RCHY1: variants seen among roughly 807,000 people sequenced by gnomAD.
The protein encoded by RCHY1 is ring finger and CHY zinc finger domain containing 1, also known as RING finger and CHY zinc finger domain-containing protein 1.
Under a neutral mutation model 41.6 loss-of-function variants are expected in RCHY1, and 21 were observed. The observed-to-expected ratio is 0.51, with a 90% CI of 0.36 to 0.73. The LOEUF (loss-of-function observed/expected upper bound fraction) is 0.73. RCHY1 is among the 30% of genes least tolerant of loss of function. RCHY1 has a pLI of 0.00. For missense variants in RCHY1, 265 were observed against 325.3 expected, an observed-to-expected ratio of 0.81 and a Z score of 1.43; for synonymous variants, 79 against 102.9, an observed-to-expected ratio of 0.77 and a Z score of 1.41.
chr4:75,486,595 A>C (rs1722025818), intron 8 of RCHY1, among the ~76,000 whole-genome samples: 1 of 152,308 alleles, frequency 6.6e-6, no homozygotes, highest in South Asian at 2.1e-4. Flanking sequence ...CTAAGAGTTA[A>C]AACTGTAGTT....
intron 3 of RCHY1, among the ~76,000 whole-genome samples, chr4:75,507,691 C>G (rs548626802): frequency 5.3e-5 from 8 of 152,044 alleles, no homozygotes; most frequent in African/African-American, 1.9e-4. Context: ...GATATAGATA[C>G]AGTAGAGCCT....
chr4:75,485,803 T>C (rs181747564), intron 8 of RCHY1, among the ~76,000 whole-genome samples: 1 of 152,348 alleles, frequency 6.6e-6, no homozygotes, highest in Non-Finnish European at 1.5e-5. Flanking sequence ...CTCTAAGATC[T>C]GCTTCTGTCT....
At chr4:75,504,754 A>G (rs1421929689) in intron 3 of RCHY1, among the ~76,000 whole-genome samples, 1 of 152,220 alleles carries the variant, frequency 6.6e-6, no homozygotes, top group Non-Finnish European at 1.5e-5. Flanking sequence ...TGGAATTAAA[A>G]TTTGGGTTTG....
Position 75,491,779 on chromosome 4 carries a change from T to C in RCHY1, c.454A>G (p.Ile152Val). The stretch of plus-strand genomic sequence containing the variant: ...TGAGCAACAACACGGGATGTGTGAA[T>C]GTCCTGTAAATGAAATAAATGTTAG... ...RQNCPICLEDIHTSRVVAHVL... is the reference protein window; with the variant it reads ...RQNCPICLEDVHTSRVVAHVL... The change falls in exon 6 of 9, where the codon ATT becomes GTT. Residue 152 changes from isoleucine to valine, a missense_variant. Coordinates refer to ENST00000324439, the MANE Select transcript of RCHY1 (RefSeq NM_015436.4). The C allele has an allele frequency of 6.2e-7, 1 of 1,612,866 alleles. No individual in the cohort carries two copies.
Position 75,490,400 on chromosome 4 carries a change from T to C in RCHY1, c.657+181A>G, listed in dbSNP as rs544736240. ...AAAGGTATTCTTAAGACTTTTTTTT[T>C]CCCGATCTGAGCTACTTAACTAAAA... On this transcript the variant is annotated intron_variant, in intron 8 of 8. Transcript: ENST00000324439. 1.2e-4 allele frequency among the ~76,000 whole-genome samples: 19 copies of C among 152,146 alleles called. No individual in the cohort carries two copies. In the South Asian group the frequency reaches 3.1e-3, roughly 25 times the overall value.
At chr4:75,484,047 C>A (rs574914908) in intron 8 of RCHY1, among the ~76,000 whole-genome samples, 2 of 152,202 alleles carry the variant, frequency 1.3e-5, no homozygotes, top group African/African-American at 4.8e-5. Context: ...TCAAGACCCT[C>A]TGAATCTATT....
Position 75,508,906 on chromosome 4 carries a change from T to C in RCHY1, c.240A>G (p.Thr80=). ...TATCGCAATAATATTCTCCAAACAA[T>C]GTGCTACATTCTTCACAAGTCTGTT... is the stretch of plus-strand genomic sequence containing the variant. ...HAQQTCEECS[T]LFGEYYCDIC... Residue 80 remains threonine, a synonymous_variant, in exon 3 of 9, where the codon ACA becomes ACG. Coordinates refer to ENST00000324439, the MANE Select transcript of RCHY1 (RefSeq NM_015436.4). The C allele has an allele frequency of 6.2e-7, 1 of 1,609,854 alleles. No homozygotes were observed. The highest frequency in any genetic ancestry group is 8.5e-7 in the Non-Finnish European group (1 of 1,178,376).
At position 75,481,956 on chromosome 4, in the gene RCHY1, G is replaced by T. The variant is rs1284186749; in HGVS notation, c.*582C>A. ...TTTACATTATAGAACTGATGATACT[G>T]CCCTAATTGAGCCAAACATAGAAAA... On this transcript the variant is annotated 3_prime_UTR_variant, in exon 9 of 9. Transcript: ENST00000324439. The T allele has an allele frequency of 6.6e-6, 1 of 151,756 alleles. No homozygotes were observed. Among genetic ancestry groups the T allele is most frequent in the Non-Finnish European group, 1.5e-5 (1 of 67,958 alleles). The allele number at this position is 151,756 out of a possible 1,614,324, so 9.4% of individuals were successfully genotyped here. A position where few individuals can be genotyped will look rare whatever the true frequency, so the allele number is the denominator to read the frequency against.
chr4:75,487,108 A>G (rs1722085271), intron 8 of RCHY1, among the ~76,000 whole-genome samples: 1 of 152,122 alleles, frequency 6.6e-6, no homozygotes, highest in Admixed American at 6.6e-5. Context: ...AATATAAAAG[A>G]TTTATGGAAA....
At chr4:75,508,719 A>C (rs1458745514) in intron 3 of RCHY1, 101 bp downstream of exon 3, 1 of 595,258 alleles carries the variant, frequency 1.7e-6, no homozygotes, top group African/African-American at 1.9e-5. Context: ...AAATGAATGT[A>C]TCTTATCAGA....
In RCHY1 at chr4:75,479,542, C is replaced by T. The variant is rs1438935238; in HGVS notation, c.*2996G>A. On this transcript the variant is annotated 3_prime_UTR_variant, in exon 9 of 9. Coordinates refer to ENST00000324439, the MANE Select transcript of RCHY1 (RefSeq NM_015436.4). Reference sequence around the variant, plus strand: ...AATCCATGACACTATAAACAAACTACTACTTCCAACATAAGCTAAAGTTAA... The same window carrying T: ...AATCCATGACACTATAAACAAACTATTACTTCCAACATAAGCTAAAGTTAA... 6.6e-6 allele frequency: 1 copy of T among 152,004 alleles called. No individual in the cohort carries two copies. The highest frequency in any genetic ancestry group is 6.6e-5 in the Admixed American group (1 of 15,260). 9.4% of individuals were successfully genotyped at this position (152,004 alleles called of 1,614,324 possible).
intron 8 of RCHY1, among the ~76,000 whole-genome samples, chr4:75,483,686 T>A (rs1477107998): frequency 6.6e-6 from 1 of 152,192 alleles, no homozygotes; most frequent in Non-Finnish European, 1.5e-5. Context: ...TCGGTTAGTA[T>A]TCCAAAAGTG....
At chr4:75,489,697 C>A (rs1044554724) in intron 8 of RCHY1, among the ~76,000 whole-genome samples, 1 of 152,148 alleles carries the variant, frequency 6.6e-6, no homozygotes, top group South Asian at 2.1e-4. Context: ...GACTAAATGC[C>A]GCAAGGCTTT....
intron 3 of RCHY1, among the ~76,000 whole-genome samples, chr4:75,506,124 G>C (rs1205507435): frequency 8.2e-6 from 1 of 122,238 alleles, no homozygotes; most frequent in Non-Finnish European, 1.7e-5. Context: ...AATAGAACAG[G>C]ACATACAAAA....
Position 75,487,539 on chromosome 4 carries a change from AAT to A in RCHY1, c.657+3040_657+3041del, listed in dbSNP as rs1180954161. On this transcript the variant is annotated intron_variant, in intron 8 of 8. Coordinates refer to ENST00000324439, the MANE Select transcript of RCHY1 (RefSeq NM_015436.4). ...ATATATATATTCATAATATATTCATAATATATATATTCATAATATATTCATAA... is the reference window on the plus strand; with the variant it reads ...ATATATATATTCATAATATATTCATAATATATATTCATAATATATTCATAA... Among the ~76,000 whole-genome samples the A allele has an allele frequency of 1.9e-3, 220 of 113,454 alleles. 9 individuals are homozygous for A. The highest frequency in any genetic ancestry group is 7.3e-3 in the African/African-American group (206 of 28,212). 74.4% of individuals were successfully genotyped at this position (113,454 alleles called of 152,430 possible).
intron 8 of RCHY1, among the ~76,000 whole-genome samples, chr4:75,486,805 C>T (rs1161668721): frequency 1.3e-5 from 2 of 151,996 alleles, no homozygotes; most frequent in African/African-American, 2.4e-5. Flanking sequence ...ACAGTGAAAC[C>T]CCGTCTCTAC....
At chr4:75,492,632 G>A (rs568700089) in intron 4 of RCHY1, among the ~76,000 whole-genome samples, 8 of 151,736 alleles carry the variant, frequency 5.3e-5, no homozygotes, top group Non-Finnish European at 1.0e-4. Context: ...GGTTTTTAAC[G>A]GAAGCACTTA....
Position 75,482,019 on chromosome 4 carries a change from ATTTTAT to A in RCHY1, c.*513_*518del, listed in dbSNP as rs1378837179. On this transcript the variant is annotated 3_prime_UTR_variant, in exon 9 of 9. Coordinates refer to ENST00000324439, the MANE Select transcript of RCHY1 (RefSeq NM_015436.4). ...CTTTCTATAAAACAGTTTCAATATA[ATTTTAT>A]TAGCAGTTATTACATCAAAATTCAC... The A allele has an allele frequency of 6.6e-6, 1 of 151,978 alleles. No individual in the cohort carries two copies. The highest frequency in any genetic ancestry group is 1.5e-5 in the Non-Finnish European group (1 of 68,006). The allele number at this position is 151,978 out of a possible 1,614,324, so 9.4% of individuals were successfully genotyped here. A position where few individuals can be genotyped will look rare whatever the true frequency, so the allele number is the denominator to read the frequency against.
At chr4:75,513,434 C>T (rs564860028) in intron 1 of RCHY1, among the ~76,000 whole-genome samples, 19 of 152,230 alleles carry the variant, frequency 1.2e-4, no homozygotes, top group African/African-American at 4.3e-4. Flanking sequence ...GCGATCATCT[C>T]CATTTTACAT....
Sources: gnomAD v4.1 joint callset for allele counts (sites outside exome capture counted in the v4.1 genomes callset) on GRCh38, gnomAD v4.1.1 for gene constraint, MANE v1.5 for transcripts, NCBI Gene and HGNC (gene_info 2026-07-23, HGNC 2026-07-21) for gene names.